Variants in PSMF1 observed in about 807,000 individuals in gnomAD.
PSMF1 encodes proteasome inhibitor subunit 1.
In PSMF1, 30 loss-of-function variants were observed where a neutral mutation model predicts 29.3. The observed-to-expected ratio is 1.02, with a 90% CI of 0.77 to 1.39. The LOEUF is 1.39. PSMF1 is among the 40% of genes most tolerant of loss of function. PSMF1 has a pLI of 0.00. For missense variants in PSMF1, 344 were observed against 357.5 expected, an observed-to-expected ratio of 0.96 and a Z score of 0.31; for synonymous variants, 134 against 139.7, an observed-to-expected ratio of 0.96 and a Z score of 0.29.
intron 4 of PSMF1, among the ~76,000 whole-genome samples, chr20:1,139,808 T>C (rs915767133): frequency 6.6e-6 from 1 of 150,938 alleles, no homozygotes; most frequent in Non-Finnish European, 1.5e-5. Flanking sequence ...AATCTAAAAA[T>C]TAATGAAATT....
At chr20:1,119,435 G>A (rs765583403) in intron 1 of PSMF1, among the ~76,000 whole-genome samples, 1 of 152,096 alleles carries the variant, frequency 6.6e-6, no homozygotes, top group Non-Finnish European at 1.5e-5. Context: ...GGCCCAGAGA[G>A]TTCACACGCC....
chr20:1,169,587 G>A lies in PSMF1; in HGVS notation c.*4507G>A, dbSNP rs931004459. Among the ~76,000 whole-genome samples the A allele has an allele frequency of 6.6e-6, 1 of 152,094 alleles. No individual in the cohort carries two copies. The highest frequency in any genetic ancestry group is 6.5e-5 in the Admixed American group (1 of 15,274). On this transcript the variant is annotated 3_prime_UTR_variant, in exon 7 of 7. Coordinates refer to ENST00000335877, the MANE Select transcript of PSMF1 (RefSeq NM_006814.5). ...TGCAGTAAACAGAAATTTACCTTTT[G>A]TAACCAAAAAGGTAATGGTCCAGAG...
At chr20:1,139,271 T>A (rs1357819571) in intron 4 of PSMF1, among the ~76,000 whole-genome samples, 1 of 152,180 alleles carries the variant, frequency 6.6e-6, no homozygotes, top group African/African-American at 2.4e-5. Context: ...CAGCTGACAT[T>A]CTCCTTAATG....
At chr20:1,140,087 C>A (rs542307600) in intron 4 of PSMF1, among the ~76,000 whole-genome samples, 4 of 152,162 alleles carry the variant, frequency 2.6e-5, no homozygotes, top group African/African-American at 9.7e-5. Flanking sequence ...TTTTCCCCCC[C>A]AGAAATTGGC....
intron 3 of PSMF1, 147 bp from the exon 4 acceptor site, chr20:1,134,974 G>A (rs1202408663): frequency 1.3e-6 from 1 of 775,654 alleles, no homozygotes; most frequent in South Asian, 1.5e-5. Flanking sequence ...AGGTCCAGCA[G>A]GCGGCCTGTT....
intron 4 of PSMF1, chr20:1,161,704 T>C: frequency 1.6e-6 from 1 of 619,172 alleles, no homozygotes; most frequent in South Asian, 1.7e-5. Flanking sequence ...CTAAATGGAC[T>C]ACAAGCAGAT....
chr20:1,148,519 A>G (rs1172151554), intron 4 of PSMF1, among the ~76,000 whole-genome samples: 23 of 152,226 alleles, frequency 1.5e-4, no homozygotes, highest in Non-Finnish European at 2.9e-5. Flanking sequence ...GTCATTCTGA[A>G]TTCATTTTTA....
In PSMF1 at chr20:1,164,323, G is replaced by T; in HGVS notation, c.611G>T (p.Arg204Leu). ...GGEDLDPFGP[R>L]RGGMIVDPLR... is the part of the protein sequence containing the mutation. ...AACTTTTCTTCTTGCCTCAGGCCTC[G>T]GAGAGGTGGCATGATTGTGGATCCC... The change falls in exon 6 of 7, where the codon CGG becomes CTG. Residue 204 changes from arginine (R) to leucine (L), a missense_variant. Arg to Leu is a moderately radical substitution (Grantham distance 102). Transcript: ENST00000335877. This position sits in a 1 kb window ranked among gnomAD's most constrained non-coding sequence, Gnocchi z 4.1. The T allele has an allele frequency of 1.2e-6, 2 of 1,613,524 alleles. No individual in the cohort carries two copies. Among genetic ancestry groups the T allele is most frequent in the Non-Finnish European group, 8.5e-7 (1 of 1,179,526 alleles).
chr20:1,119,050 T>A, intron 1 of PSMF1, 148 bp downstream of exon 1: 1 of 1,154,802 alleles, frequency 8.7e-7, no homozygotes, highest in Non-Finnish European at 1.2e-6. Context: ...AACCTGCGGG[T>A]CGGAGGTTGC....
In PSMF1 at chr20:1,166,248, G is replaced by A. The variant is rs1406912929; in HGVS notation, c.*1168G>A. 1 of 1,612,460 alleles carries A rather than the reference G, an allele frequency of 6.2e-7. No homozygotes were observed. Among genetic ancestry groups the A allele is most frequent in the East Asian group, 2.2e-5 (1 of 44,872 alleles). On this transcript the variant is annotated 3_prime_UTR_variant, in exon 7 of 7. Coordinates refer to ENST00000335877, the MANE Select transcript of PSMF1 (RefSeq NM_006814.5). ...TCAGCCCGAGGCCTGACAGACGCGG[G>A]CAGTGATGAGCCCTGTTCTGGAGTG...
chr20:1,166,308 C>G lies in PSMF1; in HGVS notation c.*1228C>G. 6.4e-7 allele frequency: 1 copy of G among 1,566,162 alleles called. No individual in the cohort carries two copies. The highest frequency in any genetic ancestry group is 2.3e-5 in the East Asian group (1 of 44,418). ...CGATAGAGCACCAGGCTAAGAGGCA[C>G]GAGATCAAGGCGGTAGTCACTTCCG... is the stretch of plus-strand genomic sequence containing the variant. On this transcript the variant is annotated 3_prime_UTR_variant, in exon 7 of 7. Coordinates refer to ENST00000335877, the MANE Select transcript of PSMF1 (RefSeq NM_006814.5).
chr20:1,164,376 A>C lies in PSMF1; in HGVS notation c.664A>C (p.Ile222Leu). The C allele has an allele frequency of 6.2e-7, 1 of 1,613,912 alleles. No homozygotes were observed. The highest frequency in any genetic ancestry group is 8.5e-7 in the Non-Finnish European group (1 of 1,179,870). ...GAGATCTGGCTTCCCAAGAGCACTTATTGACCCTTCCTCAGGCCTCCCGAA... is the reference window on the plus strand; with the variant it reads ...GAGATCTGGCTTCCCAAGAGCACTTCTTGACCCTTCCTCAGGCCTCCCGAA... Reference protein sequence around the residue: ...PLRSGFPRALIDPSSGLPNRL... With the variant: ...PLRSGFPRALLDPSSGLPNRL... The change falls in exon 6 of 7, where the codon ATT becomes CTT. Residue 222 changes from isoleucine (I) to leucine (L), a missense_variant. Transcript: ENST00000335877. This position sits in a 1 kb window ranked among gnomAD's most constrained non-coding sequence, Gnocchi z 4.1.
intron 4 of PSMF1, among the ~76,000 whole-genome samples, chr20:1,143,746 A>G (rs981151981): frequency 2.0e-5 from 3 of 152,212 alleles, no homozygotes; most frequent in Non-Finnish European, 4.4e-5. Flanking sequence ...ATTCATATCT[A>G]GATAAAGAAC....
At chr20:1,133,569 A>ATATATATATATATATATATATATTT in intron 3 of PSMF1, among the ~76,000 whole-genome samples, 26 of 53,284 alleles carry the variant, frequency 4.9e-4, no homozygotes, top group Admixed American at 1.4e-3. Flanking sequence ...ATATATATAT[A>ATATATATATATATATATATATATTT]TTTTTTTTTT....
intron 4 of PSMF1, among the ~76,000 whole-genome samples, chr20:1,149,915 C>G (rs951432562): frequency 5.3e-5 from 8 of 151,558 alleles, no homozygotes; most frequent in African/African-American, 2.0e-4. Context: ...GTCCCAACTA[C>G]TTGAGAGGCT....
intron 4 of PSMF1, among the ~76,000 whole-genome samples, chr20:1,148,785 T>C (rs889616984): frequency 6.6e-6 from 1 of 152,188 alleles, no homozygotes; most frequent in South Asian, 2.1e-4. Context: ...CCTTGAGTTA[T>C]ATTACTTACA....
At chr20:1,155,693 T>C (rs1261551950) in intron 4 of PSMF1, among the ~76,000 whole-genome samples, 1 of 152,224 alleles carries the variant, frequency 6.6e-6, no homozygotes, top group Non-Finnish European at 1.5e-5. Flanking sequence ...GAGAACTGGC[T>C]CTTCAGGTCC....
intron 4 of PSMF1, among the ~76,000 whole-genome samples, chr20:1,152,059 G>A (rs1002605293): frequency 3.4e-4 from 52 of 152,072 alleles, no homozygotes; most frequent in African/African-American, 1.1e-3. Flanking sequence ...GTTGGGACTC[G>A]GTTAACCACG....
rs1401006457 is a variant in PSMF1 at position 1,163,657 on chromosome 20, C to T, written c.605+474C>T. On this transcript the variant is annotated intron_variant, in intron 5 of 6. Coordinates refer to ENST00000335877, the MANE Select transcript of PSMF1 (RefSeq NM_006814.5). This position sits in a 1 kb window ranked among gnomAD's most constrained non-coding sequence, Gnocchi z 6.1. The stretch of plus-strand genomic sequence containing the variant: ...ATTTTAACCTCTGCTACAAAGTGAC[C>T]CCGACTTCAGCATCTCATTTGTAGA... Among the ~76,000 whole-genome samples, 1 of 152,210 alleles carries T rather than the reference C, an allele frequency of 6.6e-6. No individual in the cohort carries two copies. The highest frequency in any genetic ancestry group is 1.5e-5 in the Non-Finnish European group (1 of 68,030).
Sources: allele counts gnomAD v4.1 joint callset (sites outside exome capture counted in the v4.1 genomes callset), GRCh38; gene constraint gnomAD v4.1.1; non-coding constraint Gnocchi (gnomAD v3.1); transcripts MANE v1.5; gene names NCBI Gene and HGNC (gene_info 2026-07-23, HGNC 2026-07-21).